Variants in RAPGEF5 observed in about 807,000 individuals in gnomAD.
RAPGEF5 encodes the protein Rap guanine nucleotide exchange factor 5, also known as M-Ras-regulated GEF.
In RAPGEF5, 65 loss-of-function variants were observed where a neutral mutation model predicts 125.2. That is an observed-to-expected ratio of 0.52 (90% confidence interval 0.43 to 0.64). RAPGEF5 has a LOEUF of 0.64. RAPGEF5 is among the 30% of genes least tolerant of loss of function. The pLI is 0.00. For missense variants in RAPGEF5, 958 were observed against 1,048.1 expected (o/e 0.91, Z 1.19); for synonymous variants, 391 against 385.9 (o/e 1.01, Z -0.16).
chr7:22,162,422 T>C lies in RAPGEF5; in HGVS notation c.1403A>G (p.Asp468Gly). 1 of 1,593,848 alleles carries C rather than the reference T, an allele frequency of 6.3e-7. No homozygotes were observed. ...CTTTAAAAACATTTTTGAATGTTCA[T>C]CTTCAGGTAACCAGTCTTTGTACAG... ...IALYKDWLPEDEHSKMFLKTI... is the reference protein window; with the variant it reads ...IALYKDWLPEGEHSKMFLKTI... The change falls in exon 13 of 26, where the codon GAT becomes GGT. Residue 468 changes from aspartate to glycine, a missense_variant. By Grantham distance (94) the Asp-to-Gly change is moderately conservative. Coordinates refer to ENST00000665637, the MANE Select transcript of RAPGEF5 (RefSeq NM_012294.5).
chr7:22,320,621 G>A (rs921829075), intron 1 of RAPGEF5, among the ~76,000 whole-genome samples: 1 of 152,154 alleles, frequency 6.6e-6, no homozygotes, highest in East Asian at 1.9e-4. Flanking sequence ...CAATCACTCA[G>A]CTGTTTTCAT....
intron 11 of RAPGEF5, chr7:22,192,968 A>G (rs1416575368): frequency 3.2e-5 from 7 of 220,552 alleles, no homozygotes; most frequent in Non-Finnish European, 6.3e-5. Context: ...TTCAGCACGG[A>G]GGCTGCTGCC....
intron 25 of RAPGEF5, among the ~76,000 whole-genome samples, chr7:22,123,062 G>T (rs1231436716): frequency 7.9e-5 from 12 of 152,118 alleles, no homozygotes. Flanking sequence ...AAATTTAATG[G>T]AGCAACTGAA....
intron 7 of RAPGEF5, among the ~76,000 whole-genome samples, chr7:22,250,128 AATTGTACATGCCTTC>A (rs1430507250): frequency 6.6e-6 from 1 of 152,202 alleles, no homozygotes; most frequent in Non-Finnish European, 1.5e-5. Context: ...CTTAAGCTGA[AATTGTACATGCCTTC>A]ATTGTACGTG....
chr7:22,172,096 T>C (rs1469211461), intron 11 of RAPGEF5, among the ~76,000 whole-genome samples: 2 of 152,142 alleles, frequency 1.3e-5, no homozygotes, highest in Non-Finnish European at 2.9e-5. Context: ...ATATAGGACT[T>C]TTCCCTATCA....
At position 22,308,401 on chromosome 7, in the gene RAPGEF5, A is replaced by T; in HGVS notation, c.618T>A (p.Asn206Lys). 1 of 1,586,812 alleles carries T rather than the reference A, an allele frequency of 6.3e-7. No individual in the cohort carries two copies. ...CAAGTTGCAGTAAAAGCTTGACACCATTTTGCCATTCTTCTTCTCTTTCAA... is the reference window on the plus strand; with the variant it reads ...CAAGTTGCAGTAAAAGCTTGACACCTTTTTGCCATTCTTCTTCTCTTTCAA... ...CEFEREEEWQ[N>K]GVKLLLQLVP... The change falls in exon 5 of 26, where the codon AAT (asparagine) becomes AAA (lysine). Residue 206 changes from asparagine (N) to lysine (K), a missense_variant. Asn to Lys is a moderately conservative substitution (Grantham distance 94). Coordinates refer to ENST00000665637, the MANE Select transcript of RAPGEF5 (RefSeq NM_012294.5).
chr7:22,146,984 C>T lies in RAPGEF5; in HGVS notation c.1920G>A (p.Arg640=), dbSNP rs962171359. The change falls in exon 19 of 26, where the codon AGG becomes AGA. Residue 640 remains arginine, a synonymous_variant. Transcript: ENST00000665637. ...PFAENEESQQ[R]SMRILGMNTW... Reference sequence around the variant, plus strand: ...TGTTCATTCCCAAAATCCTCATCGACCTTTGCTGTGATTCCTCATTTTCTG... The same window carrying T: ...TGTTCATTCCCAAAATCCTCATCGATCTTTGCTGTGATTCCTCATTTTCTG... 4.3e-6 allele frequency: 7 copies of T among 1,613,452 alleles called. No homozygotes were observed. In the East Asian group the frequency reaches 6.7e-5, roughly 15 times the overall value.
chr7:22,338,342 G>A (rs1202432224), intron 1 of RAPGEF5, among the ~76,000 whole-genome samples: 1 of 152,158 alleles, frequency 6.6e-6, no homozygotes, highest in Non-Finnish European at 1.5e-5. Context: ...TTTTGCTCTC[G>A]TTCCAAACTC....
At chr7:22,255,599 C>T (rs958968380) in intron 7 of RAPGEF5, among the ~76,000 whole-genome samples, 1 of 107,032 alleles carries the variant, frequency 9.3e-6, no homozygotes, top group East Asian at 9.3e-4. Context: ...AAAACAAAAC[C>T]AAAACCAAAA....
intron 11 of RAPGEF5, among the ~76,000 whole-genome samples, chr7:22,179,136 T>C (rs1271261210): frequency 6.6e-6 from 1 of 152,202 alleles, no homozygotes; most frequent in Non-Finnish European, 1.5e-5. Flanking sequence ...TCTTATTATG[T>C]CACAATAATA....
intron 8 of RAPGEF5, among the ~76,000 whole-genome samples, chr7:22,224,874 C>G (rs1785882260): frequency 6.7e-6 from 1 of 149,640 alleles, no homozygotes; most frequent in African/African-American, 2.5e-5. Flanking sequence ...ACAGCATCAT[C>G]AATAAAAGGC....
At chr7:22,343,558 A>C (rs1466909807) in intron 1 of RAPGEF5, among the ~76,000 whole-genome samples, 1 of 152,214 alleles carries the variant, frequency 6.6e-6, no homozygotes, top group Admixed American at 6.5e-5. Context: ...GTTTCAACCT[A>C]GCATGACATT....
At chr7:22,209,070 T>G (rs919412958) in intron 9 of RAPGEF5, among the ~76,000 whole-genome samples, 5 of 152,184 alleles carry the variant, frequency 3.3e-5, no homozygotes, top group African/African-American at 1.2e-4. Flanking sequence ...GAGAGGAACT[T>G]AGATTTACTG....
At chr7:22,266,385 A>T (rs964455878) in intron 7 of RAPGEF5, among the ~76,000 whole-genome samples, 3 of 152,082 alleles carry the variant, frequency 2.0e-5, no homozygotes, top group Non-Finnish European at 4.4e-5. Flanking sequence ...ATTCTAACAG[A>T]TTATGCTTTT....
Position 22,122,400 on chromosome 7 carries a change from TG to T in RAPGEF5, c.*5del. The T allele has an allele frequency of 6.2e-7, 1 of 1,604,466 alleles. No homozygotes were observed. Among genetic ancestry groups the T allele is most frequent in the Non-Finnish European group, 8.5e-7 (1 of 1,171,800 alleles). On this transcript the variant is annotated 3_prime_UTR_variant, in exon 26 of 26. Coordinates refer to ENST00000665637, the MANE Select transcript of RAPGEF5 (RefSeq NM_012294.5). ...TGCAGATACAGGGGAGGTGAGGCAG[TG>T]GGGCTCACACCCGAGGCTCGATCCT...
At chr7:22,196,792 AAGAC>A (rs1272321182) in intron 9 of RAPGEF5, among the ~76,000 whole-genome samples, 10 of 152,322 alleles carry the variant, frequency 6.6e-5, no homozygotes, top group African/African-American at 2.4e-4. Context: ...GTTTCGTACT[AAGAC>A]AGCCTGCCTG....
At chr7:22,354,189 G>A in intron 1 of RAPGEF5, among the ~76,000 whole-genome samples, 1 of 152,178 alleles carries the variant, frequency 6.6e-6, no homozygotes, top group East Asian at 1.9e-4. Context: ...CCAGGTTTGT[G>A]GGAGCCCAGG....
At chr7:22,216,021 A>G (rs751476393) in intron 9 of RAPGEF5, among the ~76,000 whole-genome samples, 12 of 152,224 alleles carry the variant, frequency 7.9e-5, no homozygotes, top group Non-Finnish European at 1.5e-4. Context: ...CAAATTGCTT[A>G]ATATAAAATA....
At chr7:22,339,183 C>G (rs1327959397) in intron 1 of RAPGEF5, among the ~76,000 whole-genome samples, 11 of 152,218 alleles carry the variant, frequency 7.2e-5, no homozygotes, top group Admixed American at 7.2e-4. Context: ...CAACTGCTAG[C>G]AAGCAACTGC....
Sources: gnomAD v4.1 joint callset for allele counts (sites outside exome capture counted in the v4.1 genomes callset) on GRCh38, gnomAD v4.1.1 for gene constraint, MANE v1.5 for transcripts, NCBI Gene and HGNC (gene_info 2026-07-23, HGNC 2026-07-21) for gene names.